Variants in EDAR observed in about 807,000 individuals in gnomAD.
EDAR encodes ectodysplasin A receptor.
Under a neutral mutation model 51.3 loss-of-function variants are expected in EDAR, and 38 were observed. The observed-to-expected ratio is 0.74, with a 90% CI of 0.57 to 0.97. The LOEUF (loss-of-function observed/expected upper bound fraction) is 0.97, where lower values mean the gene tolerates loss of function less well. Among genes scored for constraint, EDAR ranks in the 50% least tolerant of loss-of-function variants. EDAR has a pLI of 0.00. For missense variants in EDAR, 528 were observed against 595.0 expected (o/e 0.89, Z 1.17); for synonymous variants, 227 against 242.1 (o/e 0.94, Z 0.58).
In EDAR at chr2:108,939,721, CTCTT is replaced by C. The variant is rs145565003; in HGVS notation, c.-18-8693_-18-8690del. Among the ~76,000 whole-genome samples, 64 of 152,338 alleles carry C rather than the reference CTCTT, an allele frequency of 4.2e-4. 1 individual carries two copies. The East Asian group carries it at 0.01, about 24-fold the overall frequency. ...AACTGCATTCTGATAAAACCAAGAA[CTCTT>C]TCTTGTTTTCTGCCAATGGGCTACT... On this transcript the variant is annotated intron_variant, in intron 1 of 11. Coordinates refer to ENST00000258443, the MANE Select transcript of EDAR (RefSeq NM_022336.4).
chr2:108,911,090 G>A lies in EDAR; in HGVS notation c.530-18C>T. ...TGAGAGTTCTGTGGGTGGAGAGAAG[G>A]CATGAATGACCCAGAGCTCAGGATC... On this transcript the variant is annotated intron_variant, in intron 6 of 11. Transcript: ENST00000258443. The A allele has an allele frequency of 6.2e-7, 1 of 1,614,006 alleles. No homozygotes were observed. The highest frequency in any genetic ancestry group is 8.5e-7 in the Non-Finnish European group (1 of 1,180,008).
Position 108,957,820 on chromosome 2 carries a change from G to A in EDAR, c.-18-26788C>T, listed in dbSNP as rs140738945. Among the ~76,000 whole-genome samples the A allele has an allele frequency of 2.1e-3, 315 of 152,338 alleles. 2 individuals carry two copies. Among genetic ancestry groups the A allele is most frequent in the Non-Finnish European group, 2.2e-3 (151 of 68,036 alleles). ...TTTTGCTCCTCTAATTGATGCAGCT[G>A]TTGCCTAGCCTCATCTGCATTAAGC... On this transcript the variant is annotated intron_variant, in intron 1 of 11. Transcript: ENST00000258443.
At chr2:108,929,573 G>T (rs990302727) in intron 3 of EDAR, among the ~76,000 whole-genome samples, 194 bp from the exon 4 acceptor site, 3 of 152,110 alleles carry the variant, frequency 2.0e-5, no homozygotes, top group Admixed American at 2.0e-4. Flanking sequence ...CCCTCTCCTC[G>T]CCACTCTCAG....
intron 4 of EDAR, among the ~76,000 whole-genome samples, chr2:108,927,920 A>G (rs1697288862): frequency 6.6e-6 from 1 of 151,958 alleles, no homozygotes; most frequent in South Asian, 2.1e-4. Context: ...TCCCCTTCTG[A>G]GTGCCATCTG....
Position 108,897,230 on chromosome 2 carries a change from C to G in EDAR, c.1025-1G>C, listed in dbSNP as rs1696616581. ...AATGGCAGCTCCGTGGGGCTAAGACCTACAGACACCAATGGCCACAGTTAG... is the reference window on the plus strand; with the variant it reads ...AATGGCAGCTCCGTGGGGCTAAGACGTACAGACACCAATGGCCACAGTTAG... On this transcript the variant is annotated splice_acceptor_variant, in intron 11 of 11. Coordinates refer to ENST00000258443, the MANE Select transcript of EDAR (RefSeq NM_022336.4). LOFTEE classifies it high-confidence loss of function. 1 of 1,613,442 alleles carries G rather than the reference C, an allele frequency of 6.2e-7. No homozygotes were observed.
chr2:108,983,046 C>G (rs908369520), intron 1 of EDAR, among the ~76,000 whole-genome samples: 1 of 152,186 alleles, frequency 6.6e-6, no homozygotes, highest in Non-Finnish European at 1.5e-5. Flanking sequence ...CAACAGAAAA[C>G]CACACTCTGC....
intron 5 of EDAR, among the ~76,000 whole-genome samples, chr2:108,916,686 T>C (rs1234704134): frequency 1.3e-5 from 2 of 152,150 alleles, no homozygotes; most frequent in African/African-American, 4.8e-5. Context: ...ATGCTTGCTC[T>C]GAGCACGTGT....
At chr2:108,926,271 T>G (rs778027489) in intron 4 of EDAR, among the ~76,000 whole-genome samples, 4 of 152,196 alleles carry the variant, frequency 2.6e-5, no homozygotes, top group Admixed American at 2.0e-4. Context: ...AATTTGCTAC[T>G]TTTTGATCCA....
chr2:108,942,699 C>T (rs1388665733), intron 1 of EDAR, among the ~76,000 whole-genome samples: 1 of 152,272 alleles, frequency 6.6e-6, no homozygotes, highest in African/African-American at 2.4e-5. Context: ...GTTCCTGTTC[C>T]CGCCTCTCCT....
At chr2:108,915,624 G>A (rs1220268667) in intron 5 of EDAR, among the ~76,000 whole-genome samples, 4 of 152,048 alleles carry the variant, frequency 2.6e-5, no homozygotes, top group Admixed American at 2.6e-4. Context: ...AGCTGCCCAG[G>A]CACGGTGGCT....
At chr2:108,988,894 CAT>C (rs1188046682) in intron 1 of EDAR, 64 bp downstream of exon 1, 1 of 152,282 alleles carries the variant, frequency 6.6e-6, no homozygotes, top group East Asian at 1.9e-4. Context: ...TCTCCCAGCC[CAT>C]GACACCTCCG....
chr2:108,945,923 T>C (rs1052884914), intron 1 of EDAR, among the ~76,000 whole-genome samples: 2 of 152,216 alleles, frequency 1.3e-5, no homozygotes, highest in Non-Finnish European at 2.9e-5. Flanking sequence ...GTCATGAAGA[T>C]GCCTATTCTA....
intron 1 of EDAR, among the ~76,000 whole-genome samples, chr2:108,960,680 GA>G (rs1698021738): frequency 6.6e-6 from 1 of 152,106 alleles, no homozygotes; most frequent in South Asian, 2.1e-4. Flanking sequence ...GTATAAAGAA[GA>G]AAACTAAAAA....
At chr2:108,943,985 T>G (rs937154204) in intron 1 of EDAR, among the ~76,000 whole-genome samples, 2 of 152,224 alleles carry the variant, frequency 1.3e-5, no homozygotes, top group African/African-American at 2.4e-5. Context: ...GGTGAATGCA[T>G]GTGGAAGTGT....
chr2:108,971,388 A>G (rs1012738208), intron 1 of EDAR, among the ~76,000 whole-genome samples: 6 of 152,006 alleles, frequency 3.9e-5, no homozygotes, highest in Non-Finnish European at 8.8e-5. Flanking sequence ...TCTTCATTGT[A>G]ACAAGACCCC....
chr2:108,910,947 C>T lies in EDAR; in HGVS notation c.655G>A (p.Ala219Thr). 1.2e-6 allele frequency: 2 copies of T among 1,614,138 alleles called. No homozygotes were observed. Among genetic ancestry groups the T allele is most frequent in the Admixed American group, 1.7e-5 (1 of 60,022 alleles). The change falls in exon 7 of 12, where the codon GCC becomes ACC. Residue 219 changes from alanine to threonine, a missense_variant and splice_region_variant. Transcript: ENST00000258443. ...GGCACCGGCGCATGGGGGCCGTCAC[C>T]TGGGGCAGAGGGCTTTGTCTTCAGG... ...YILKTKPSAPACCTSHPGKSV... is the reference protein window; with the variant it reads ...YILKTKPSAPTCCTSHPGKSV...
At position 108,943,703 on chromosome 2, in the gene EDAR, T is replaced by A. The variant is rs566685497; in HGVS notation, c.-18-12671A>T. Among the ~76,000 whole-genome samples the A allele has an allele frequency of 9.2e-4, 140 of 152,234 alleles. 1 individual carries two copies. Among genetic ancestry groups the A allele is most frequent in the African/African-American group, 3.2e-3 (133 of 41,550 alleles). ...AACAGCAGCCATCCTTTCTTGGCTC[T>A]TTCTTGGTGGCTGGTGTCTGCTCTC... On this transcript the variant is annotated intron_variant, in intron 1 of 11. Transcript: ENST00000258443.
intron 1 of EDAR, among the ~76,000 whole-genome samples, chr2:108,951,874 C>A (rs973701785): frequency 2.0e-5 from 3 of 152,154 alleles, no homozygotes; most frequent in South Asian, 2.1e-4. Flanking sequence ...TTATGATCTT[C>A]CCAAGGTCTC....
At chr2:108,921,756 C>A (rs1422947752) in intron 5 of EDAR, among the ~76,000 whole-genome samples, 1 of 152,200 alleles carries the variant, frequency 6.6e-6, no homozygotes, top group Non-Finnish European at 1.5e-5. Flanking sequence ...AGGCCCTAAC[C>A]CAGAGGGCTC....
Sources: allele counts gnomAD v4.1 joint callset (sites outside exome capture counted in the v4.1 genomes callset), GRCh38; gene constraint gnomAD v4.1.1; transcripts MANE v1.5; gene names NCBI Gene and HGNC (gene_info 2026-07-23, HGNC 2026-07-21).